Variants in QDPR observed in about 807,000 individuals in gnomAD.
QDPR encodes quinoid dihydropteridine reductase, also known as dihydropteridine reductase.
QDPR carries 23 observed loss-of-function variants against 31.7 expected under a neutral mutation model. That is an observed-to-expected ratio of 0.73 (90% CI 0.52 to 1.03). The LOEUF (loss-of-function observed/expected upper bound fraction) is 1.03, where lower values mean the gene tolerates loss of function less well. Among genes scored for constraint, QDPR ranks in the 50% least tolerant of loss-of-function variants. QDPR has a pLI of 0.00. For missense variants in QDPR, 324 were observed against 323.8 expected (o/e 1.00, Z 0.00); for synonymous variants, 124 against 124.7 (o/e 0.99, Z 0.03).
chr4:17,509,963 T>C (rs781425674), intron 1 of QDPR: 21 of 456,118 alleles, frequency 4.6e-5, no homozygotes, highest in Non-Finnish European at 8.8e-5. Context: ...ATGGTATCTG[T>C]TGTTACTCAA....
At chr4:17,490,572 T>C (rs570859795) in intron 6 of QDPR, 90 bp downstream of exon 6, 1 of 1,100,048 alleles carries the variant, frequency 9.1e-7, no homozygotes, top group Non-Finnish European at 1.4e-6. Flanking sequence ...ATTGACGATC[T>C]CAGGGAACAC....
intron 2 of QDPR, among the ~76,000 whole-genome samples, chr4:17,504,768 G>C (rs945066840): frequency 3.3e-5 from 5 of 151,148 alleles, no homozygotes; most frequent in Admixed American, 1.3e-4. Context: ...AATAAAAGTA[G>C]GGAAAGGTTA....
At chr4:17,504,713 T>G (rs564563797) in intron 2 of QDPR, among the ~76,000 whole-genome samples, 4 of 152,140 alleles carry the variant, frequency 2.6e-5, no homozygotes, top group African/African-American at 9.6e-5. Flanking sequence ...GTATACATTC[T>G]GAAAGGTAGA....
chr4:17,509,746 T>C (rs753127891), intron 1 of QDPR, among the ~76,000 whole-genome samples: 1 of 151,762 alleles, frequency 6.6e-6, no homozygotes, highest in African/African-American at 2.4e-5. Context: ...GAAAGAAAAA[T>C]AAAGGAGCAG....
At chr4:17,509,024 G>GGT (rs1718897995) in intron 2 of QDPR, among the ~76,000 whole-genome samples, 1 of 152,104 alleles carries the variant, frequency 6.6e-6, no homozygotes, top group Non-Finnish European at 1.5e-5. Context: ...TGGGGGTGGT[G>GGT]GCAGGCACCT....
At chr4:17,501,696 C>A in intron 4 of QDPR, 23 bp downstream of exon 4, 1 of 1,613,038 alleles carries the variant, frequency 6.2e-7, no homozygotes, top group Non-Finnish European at 8.5e-7. Context: ...CCCCACTCCA[C>A]AGATAGGGAA....
chr4:17,497,389 C>A (rs1184555676), intron 4 of QDPR, among the ~76,000 whole-genome samples: 5 of 151,796 alleles, frequency 3.3e-5, no homozygotes, highest in African/African-American at 9.7e-5. Flanking sequence ...GCTCCCTCAA[C>A]AAAACCTTTT....
At position 17,503,720 on chromosome 4, in the gene QDPR, G is replaced by C. The variant is rs184862235; in HGVS notation, c.295+659C>G. Among the ~76,000 whole-genome samples, 656 of 152,256 alleles carry C rather than the reference G, an allele frequency of 4.3e-3. 3 individuals are homozygous for C. Among genetic ancestry groups the C allele is most frequent in the African/African-American group, 0.014 (598 of 41,552 alleles). On this transcript the variant is annotated intron_variant, in intron 3 of 6. Transcript: ENST00000281243. ...ACCCCAGCACTTTGGGAGGCTGAAG[G>C]GGGTGGATCACCTGAGGTCAGGAGT...
Position 17,509,347 on chromosome 4 carries a change from T to G in QDPR, c.122A>C (p.Asp41Ala). ...GCTGGCCTCTTCATTCTCCACCACA[T>G]CAACGCTGGCAACCCACTGGAAGGA... ...RARNWWVASV[D>A]VVENEEASAS... Residue 41 changes from aspartate to alanine, a missense_variant, in exon 2 of 7, where the codon GAT (aspartate) becomes GCT (alanine). Asp to Ala is a moderately radical substitution (Grantham distance 126). Transcript: ENST00000281243. The G allele has an allele frequency of 6.2e-7, 1 of 1,613,780 alleles. No individual in the cohort carries two copies. Among genetic ancestry groups the G allele is most frequent in the South Asian group, 1.1e-5 (1 of 91,072 alleles).
At chr4:17,496,642 CT>C (rs879494114) in intron 4 of QDPR, among the ~76,000 whole-genome samples, 295 of 141,842 alleles carry the variant, frequency 2.1e-3, no homozygotes, top group Middle Eastern at 3.7e-3. Flanking sequence ...TGGTGCTTTT[CT>C]TTTTTTTTTT....
At chr4:17,509,431 A>C in intron 1 of QDPR, 68 bp from the exon 2 acceptor site, 1 of 1,406,018 alleles carries the variant, frequency 7.1e-7, no homozygotes, top group South Asian at 1.2e-5. Flanking sequence ...TCACACATAG[A>C]AATGAGGGGA....
chr4:17,508,633 T>TAA (rs34858847), intron 2 of QDPR, among the ~76,000 whole-genome samples: 17 of 127,092 alleles, frequency 1.3e-4, no homozygotes, highest in African/African-American at 4.0e-4. Flanking sequence ...TATTTAAGTA[T>TAA]AAAAAAAAAA....
intron 4 of QDPR, among the ~76,000 whole-genome samples, chr4:17,500,792 G>C (rs1258076864): frequency 6.6e-6 from 1 of 152,216 alleles, no homozygotes; most frequent in African/African-American, 2.4e-5. Context: ...ACAGTTGGTA[G>C]ATGATTAGGG....
At chr4:17,507,880 G>T (rs552247603) in intron 2 of QDPR, among the ~76,000 whole-genome samples, 3 of 152,204 alleles carry the variant, frequency 2.0e-5, no homozygotes, top group East Asian at 3.9e-4. Context: ...GGGATTACAG[G>T]TGTCAGCCAC....
intron 4 of QDPR, among the ~76,000 whole-genome samples, chr4:17,499,612 A>G (rs957850952): frequency 6.6e-6 from 1 of 151,944 alleles, no homozygotes; most frequent in African/African-American, 2.4e-5. Flanking sequence ...CTCACAGTTC[A>G]GTGAGTTACA....
chr4:17,497,222 C>T (rs1470634607), intron 4 of QDPR, among the ~76,000 whole-genome samples: 1 of 152,090 alleles, frequency 6.6e-6, no homozygotes, highest in Non-Finnish European at 1.5e-5. Flanking sequence ...CATTGTGTTT[C>T]TTTTAGTGCC....
At chr4:17,510,500 A>G (rs970294964) in intron 1 of QDPR, among the ~76,000 whole-genome samples, 4 of 152,220 alleles carry the variant, frequency 2.6e-5, no homozygotes, top group African/African-American at 7.2e-5. Flanking sequence ...CATTTGTTAT[A>G]TTATTAATTA....
At chr4:17,489,501 CA>C (rs1718083739) in intron 6 of QDPR, among the ~76,000 whole-genome samples, 1 of 152,154 alleles carries the variant, frequency 6.6e-6, no homozygotes, top group Non-Finnish European at 1.5e-5. Flanking sequence ...TGATTCCTGG[CA>C]TAGACAGAAA....
intron 6 of QDPR, chr4:17,490,294 G>A (rs991730410): frequency 3.6e-5 from 12 of 328,884 alleles, no homozygotes; most frequent in African/African-American, 1.5e-4. Context: ...CACTTGTTAT[G>A]GCCAGACACT....
Sources: gnomAD v4.1 joint callset for allele counts (sites outside exome capture counted in the v4.1 genomes callset) on GRCh38, gnomAD v4.1.1 for gene constraint, MANE v1.5 for transcripts, NCBI Gene and HGNC (gene_info 2026-07-23, HGNC 2026-07-21) for gene names.